FCHO2: variants seen among roughly 807,000 people sequenced by gnomAD.
FCHO2 encodes F-BAR domain only protein 2.
Under a neutral mutation model 114.1 loss-of-function variants are expected in FCHO2, and 43 were observed. The observed-to-expected ratio is 0.38, with a 90% CI of 0.30 to 0.49. The LOEUF (loss-of-function observed/expected upper bound fraction) is 0.49, where lower values mean the gene tolerates loss of function less well. FCHO2 is among the 20% of genes least tolerant of loss of function. The probability of loss-of-function intolerance (pLI) is 0.97; values close to 1 mark genes in which losing one functional copy is unlikely to be tolerated. For synonymous variants in FCHO2, 293 were observed against 315.2 expected (o/e 0.93, Z 0.75); for missense variants, 807 against 950.4 (o/e 0.85, Z 1.98).
At chr5:73,026,645 T>C (rs868102647) in intron 8 of FCHO2, among the ~76,000 whole-genome samples, 5 of 152,280 alleles carry the variant, frequency 3.3e-5, no homozygotes, top group Middle Eastern at 3.4e-3. Flanking sequence ...ATGATAATGT[T>C]ATATTACTTA....
chr5:72,983,810 T>C (rs6860234), intron 2 of FCHO2, among the ~76,000 whole-genome samples: 1 of 152,090 alleles, frequency 6.6e-6, no homozygotes, highest in Non-Finnish European at 1.5e-5. Context: ...CGGTTTTTTT[T>C]CTATTACCAA....
At chr5:73,041,232 CA>C in intron 10 of FCHO2, 58 bp from the exon 11 acceptor site, 1 of 1,117,898 alleles carries the variant, frequency 8.9e-7, no homozygotes. Flanking sequence ...ATACTTTAAA[CA>C]AGCATAATTA....
Position 73,006,503 on chromosome 5 carries a change from C to T in FCHO2, c.554C>T (p.Ala185Val), listed in dbSNP as rs762376579. 2 of 1,576,816 alleles carry T rather than the reference C, an allele frequency of 1.3e-6. No homozygotes were observed. Among genetic ancestry groups the T allele is most frequent in the Non-Finnish European group, 1.7e-6 (2 of 1,165,010 alleles). Residue 185 changes from alanine (A) to valine (V), a missense_variant, in exon 6 of 26, where the codon GCA becomes GTA. Coordinates refer to ENST00000430046, the MANE Select transcript of FCHO2 (RefSeq NM_138782.3). The stretch of plus-strand genomic sequence containing the variant: ...TATAAACTCTATGTGGAAAAATATG[C>T]ATTAGCAAAAGCTGATTTCGAACAG... ...DTYKLYVEKY[A>V]LAKADFEQKM... is the part of the protein sequence containing the mutation.
intron 1 of FCHO2, among the ~76,000 whole-genome samples, chr5:72,968,173 C>T (rs1282622055): frequency 6.6e-6 from 1 of 152,152 alleles, no homozygotes; most frequent in Non-Finnish European, 1.5e-5. Flanking sequence ...ATCCGCCCAC[C>T]TCGGCCTCCC....
At chr5:72,998,345 G>A (rs11742680) in intron 5 of FCHO2, among the ~76,000 whole-genome samples, 17,857 of 151,992 alleles carry the variant, frequency 0.12, 1,264 homozygotes, top group Non-Finnish European at 0.17. Context: ...AAATTAGCCA[G>A]GCGTGGTGGC....
chr5:72,999,378 CTTTTTTTTTTTT>C (rs762347449), intron 5 of FCHO2, among the ~76,000 whole-genome samples: 4 of 100,562 alleles, frequency 4.0e-5, no homozygotes, highest in Non-Finnish European at 7.4e-5. Flanking sequence ...ATTCACAGGC[CTTTTTTTTTTTT>C]TTTTTTTTTT....
intron 2 of FCHO2, among the ~76,000 whole-genome samples, chr5:72,972,518 A>T (rs1031728474): frequency 6.6e-6 from 1 of 152,214 alleles, no homozygotes; most frequent in Non-Finnish European, 1.5e-5. Flanking sequence ...TTGTTGGTGT[A>T]TAAGAATGCT....
intron 10 of FCHO2, among the ~76,000 whole-genome samples, chr5:73,039,219 G>A (rs1239983867): frequency 6.6e-6 from 1 of 152,172 alleles, no homozygotes; most frequent in African/African-American, 2.4e-5. Context: ...CCTCTTCATA[G>A]CCTGAAGGCT....
chr5:73,078,358 A>T (rs1742985654), intron 22 of FCHO2, 46 bp downstream of exon 22: 2 of 1,497,602 alleles, frequency 1.3e-6, no homozygotes, highest in Non-Finnish European at 1.8e-6. Context: ...AATATTAAAA[A>T]ATGGAATCTA....
At chr5:73,016,284 A>G (rs2112743309) in intron 7 of FCHO2, among the ~76,000 whole-genome samples, 1 of 151,876 alleles carries the variant, frequency 6.6e-6, no homozygotes, top group South Asian at 2.1e-4. Context: ...CCTCATCTCT[A>G]CACAAAATTT....
intron 7 of FCHO2, among the ~76,000 whole-genome samples, chr5:73,016,083 C>G (rs1171376759): frequency 6.6e-6 from 1 of 151,472 alleles, no homozygotes; most frequent in Non-Finnish European, 1.5e-5. Context: ...AGAAGTGTTC[C>G]ACAAATATAA....
At chr5:73,037,558 T>C (rs527490463) in intron 10 of FCHO2, among the ~76,000 whole-genome samples, 44 of 152,280 alleles carry the variant, frequency 2.9e-4, no homozygotes, top group African/African-American at 1.1e-3. Context: ...AAAGTCTTAA[T>C]GCCTAAGAGA....
intron 2 of FCHO2, among the ~76,000 whole-genome samples, chr5:72,980,989 A>G (rs533646160): frequency 6.6e-6 from 1 of 152,136 alleles, no homozygotes; most frequent in South Asian, 2.1e-4. Context: ...TGTCATTATG[A>G]TGCTAGCTGG....
Position 73,057,682 on chromosome 5 carries a change from T to G in FCHO2, c.1254-751T>G, listed in dbSNP as rs147182303. Among the ~76,000 whole-genome samples, 543 of 152,322 alleles carry G rather than the reference T, an allele frequency of 3.6e-3. 5 individuals are homozygous for G. The highest frequency in any genetic ancestry group is 0.013 in the African/African-American group (528 of 41,578). ...AAATTTTAACCCAATTTTATACCACTTAAATTTTCTTTTCAGGATTGGGTG... is the reference window on the plus strand; with the variant it reads ...AAATTTTAACCCAATTTTATACCACGTAAATTTTCTTTTCAGGATTGGGTG... On this transcript the variant is annotated intron_variant, in intron 16 of 25. Transcript: ENST00000430046.
At chr5:73,074,548 G>GT (rs200847047) in intron 19 of FCHO2, among the ~76,000 whole-genome samples, 194 bp from the exon 20 acceptor site, 23 of 150,336 alleles carry the variant, frequency 1.5e-4, no homozygotes, top group South Asian at 4.2e-4. Context: ...TGTCTTCCTG[G>GT]TTTTTTTTTG....
rs911712225 is a variant in FCHO2, at chr5:73,088,906, T to G, written c.*816T>G. ...TGCCTATACAATTTGTGTTCATTAA[T>G]GTGCCTCACTTTTTTTCTCAGTCTG... is the stretch of plus-strand genomic sequence containing the variant. On this transcript the variant is annotated 3_prime_UTR_variant, in exon 26 of 26. Transcript: ENST00000430046. 1.4e-4 allele frequency: 22 copies of G among 152,640 alleles called. No homozygotes were observed. The highest frequency in any genetic ancestry group is 5.3e-4 in the African/African-American group (22 of 41,456). The allele number at this position is 152,640 out of a possible 1,614,324, so 9.5% of individuals were successfully genotyped here. A position where few individuals can be genotyped will look rare whatever the true frequency, so the allele number is the denominator to read the frequency against.
At chr5:73,021,157 T>C (rs1755605641) in intron 8 of FCHO2, 10 of 777,412 alleles carry the variant, frequency 1.3e-5, no homozygotes, top group Non-Finnish European at 2.4e-5. Flanking sequence ...GAGAATGCCA[T>C]CTCTCCTTTG....
chr5:72,958,890 A>T (rs1182327699), intron 1 of FCHO2, among the ~76,000 whole-genome samples: 1 of 152,206 alleles, frequency 6.6e-6, no homozygotes, highest in Non-Finnish European at 1.5e-5. Context: ...TTTTCTGTTA[A>T]TTGAGCTTTG....
intron 18 of FCHO2, among the ~76,000 whole-genome samples, chr5:73,064,465 A>G (rs1011758060): frequency 6.6e-6 from 1 of 152,054 alleles, no homozygotes; most frequent in African/African-American, 2.4e-5. Context: ...GACTCTATGC[A>G]GTGAGGCTCT....
Sources: allele counts gnomAD v4.1 joint callset (sites outside exome capture counted in the v4.1 genomes callset), GRCh38; gene constraint gnomAD v4.1.1; transcripts MANE v1.5; gene names NCBI Gene and HGNC (gene_info 2026-07-23, HGNC 2026-07-21).